Variants in GRM1 observed in about 807,000 individuals in gnomAD.
GRM1 encodes the protein glutamate metabotropic receptor 1.
Under a neutral mutation model 90.9 loss-of-function variants are expected in GRM1, and 33 were observed. The observed-to-expected ratio is 0.36, with a 90% confidence interval of 0.28 to 0.49. GRM1 has a LOEUF of 0.49. GRM1 is among the 20% of genes least tolerant of loss of function. The pLI is 0.99. For synonymous variants in GRM1, 700 were observed against 613.2 expected (o/e 1.14, Z -2.09); for missense variants, 1,190 against 1,534.3 (o/e 0.78, Z 3.75).
chr6:146,323,001 G>A (rs776912084), intron 3 of GRM1, among the ~76,000 whole-genome samples: 39 of 152,060 alleles, frequency 2.6e-4, no homozygotes, highest in Middle Eastern at 3.4e-3. Context: ...CCAGTCTCTC[G>A]TTGTTGGACA....
At chr6:146,268,909 C>T (rs1275794148) in intron 2 of GRM1, among the ~76,000 whole-genome samples, 1 of 152,098 alleles carries the variant, frequency 6.6e-6, no homozygotes, top group Non-Finnish European at 1.5e-5. Flanking sequence ...CAGACATAGA[C>T]CAATGGAACA....
At chr6:146,431,300 A>G (rs1200543481) in intron 7 of GRM1, among the ~76,000 whole-genome samples, 1 of 152,186 alleles carries the variant, frequency 6.6e-6, no homozygotes, top group African/African-American at 2.4e-5. Flanking sequence ...TAAAAATTGG[A>G]TTTAATTAAA....
At chr6:146,045,059 T>C (rs1328241501) in intron 1 of GRM1, among the ~76,000 whole-genome samples, 1 of 151,962 alleles carries the variant, frequency 6.6e-6, no homozygotes, top group Non-Finnish European at 1.5e-5. Flanking sequence ...GGAAGCCCCT[T>C]CTCATAATTT....
At chr6:146,324,481 CT>C (rs201311727) in intron 3 of GRM1, among the ~76,000 whole-genome samples, 1,727 of 152,244 alleles carry the variant, frequency 0.011, 72 homozygotes, top group East Asian at 0.079. Context: ...ATTTAAAAAA[CT>C]CCTGCAGCTA....
At position 146,387,091 on chromosome 6, in the gene GRM1, T is replaced by G. The variant is rs924469549; in HGVS notation, c.1729+75T>G. On this transcript the variant is annotated intron_variant, in intron 6 of 7. Transcript: ENST00000282753. ...AATGTGTCCATCCCTCAAATGAGAATGATTAGCTCATGTCTTCTCAATGTT... is the reference window on the plus strand; with the variant it reads ...AATGTGTCCATCCCTCAAATGAGAAGGATTAGCTCATGTCTTCTCAATGTT... 6 of 1,342,968 alleles carry G rather than the reference T, an allele frequency of 4.5e-6. No individual in the cohort carries two copies. In the African/African-American group the frequency reaches 8.6e-5, roughly 19 times the overall value. The allele number at this position is 1,342,968 out of a possible 1,614,324, so 83.2% of individuals were successfully genotyped here.
chr6:146,160,216 G>C (rs2128891317), intron 2 of GRM1, among the ~76,000 whole-genome samples: 1 of 152,318 alleles, frequency 6.6e-6, no homozygotes, highest in East Asian at 1.9e-4. Flanking sequence ...GTGAAGATAT[G>C]CAACGGAACT....
At chr6:146,308,891 C>T (rs1783679751) in intron 3 of GRM1, among the ~76,000 whole-genome samples, 1 of 151,842 alleles carries the variant, frequency 6.6e-6, no homozygotes. Flanking sequence ...TTCTTTTATT[C>T]TTAATGGCTG....
chr6:146,417,238 A>T (rs1392402981), intron 7 of GRM1, among the ~76,000 whole-genome samples: 1 of 152,188 alleles, frequency 6.6e-6, no homozygotes, highest in Non-Finnish European at 1.5e-5. Flanking sequence ...GATCCGTTGC[A>T]TTCTGGTGCT....
chr6:146,338,943 A>G (rs1784872916), intron 3 of GRM1, among the ~76,000 whole-genome samples: 1 of 152,106 alleles, frequency 6.6e-6, no homozygotes, highest in East Asian at 1.9e-4. Flanking sequence ...AGCCTCCTCC[A>G]TAAATCTTCC....
chr6:146,165,292 A>T (rs2128892884), intron 2 of GRM1, among the ~76,000 whole-genome samples: 1 of 152,256 alleles, frequency 6.6e-6, no homozygotes, highest in South Asian at 2.1e-4. Context: ...CACATTTGGG[A>T]AAGTGACCTC....
chr6:146,373,878 A>G (rs1775995117), intron 5 of GRM1, among the ~76,000 whole-genome samples: 1 of 152,096 alleles, frequency 6.6e-6, no homozygotes, highest in Non-Finnish European at 1.5e-5. Flanking sequence ...AGACTGCTGT[A>G]GTGAATACTT....
chr6:146,290,225 A>C (rs1325323203), intron 2 of GRM1, among the ~76,000 whole-genome samples: 1 of 152,160 alleles, frequency 6.6e-6, no homozygotes, highest in Non-Finnish European at 1.5e-5. Context: ...GGGTCTCCTT[A>C]GCCATCTCCA....
chr6:146,115,221 TACACACAC>T (rs67497002), intron 1 of GRM1, among the ~76,000 whole-genome samples: 2 of 148,574 alleles, frequency 1.3e-5, no homozygotes, highest in Admixed American at 6.8e-5. Context: ...ATTAAATGCA[TACACACAC>T]ACACACACAC....
Position 146,281,316 on chromosome 6 carries a change from G to C in GRM1, c.951-23295G>C, listed in dbSNP as rs151134861. Among the ~76,000 whole-genome samples the C allele has an allele frequency of 8.8e-3, 1,347 of 152,250 alleles. 13 individuals are homozygous for C. Among genetic ancestry groups the C allele is most frequent in the Non-Finnish European group, 0.011 (750 of 68,012 alleles). On this transcript the variant is annotated intron_variant, in intron 2 of 7. Coordinates refer to ENST00000282753, the MANE Select transcript of GRM1 (RefSeq NM_001278064.2). ...CAGCTCTGCTCCTGACTAGTTGTAA[G>C]ATTTTGGTACATTACTTAGCACATT...
At chr6:146,076,458 A>G (rs939761471) in intron 1 of GRM1, among the ~76,000 whole-genome samples, 5 of 152,164 alleles carry the variant, frequency 3.3e-5, no homozygotes, top group Non-Finnish European at 7.4e-5. Context: ...GTGGCAGTAG[A>G]AGTGGTAAAA....
intron 2 of GRM1, among the ~76,000 whole-genome samples, chr6:146,169,415 T>A (rs1377476036): frequency 1.3e-5 from 2 of 152,172 alleles, no homozygotes; most frequent in Non-Finnish European, 2.9e-5. Context: ...GTATGTGCTG[T>A]TCTCAGTGTT....
intron 2 of GRM1, among the ~76,000 whole-genome samples, chr6:146,244,007 C>T (rs958177264): frequency 3.3e-5 from 5 of 152,172 alleles, no homozygotes; most frequent in African/African-American, 9.7e-5. Flanking sequence ...TCTGTTCTGC[C>T]TGGCTCTCAG....
chr6:146,092,401 A>G (rs1443460275), intron 1 of GRM1, among the ~76,000 whole-genome samples: 1 of 152,140 alleles, frequency 6.6e-6, no homozygotes, highest in Non-Finnish European at 1.5e-5. Context: ...TTTTGCAGGT[A>G]TCTATTACCT....
At chr6:146,283,850 A>C (rs1164329963) in intron 2 of GRM1, among the ~76,000 whole-genome samples, 1 of 152,214 alleles carries the variant, frequency 6.6e-6, no homozygotes, top group Non-Finnish European at 1.5e-5. Context: ...ACAATGCAGA[A>C]GTAAAGTATC....
Sources: gnomAD v4.1 joint callset for allele counts (sites outside exome capture counted in the v4.1 genomes callset) on GRCh38, gnomAD v4.1.1 for gene constraint, MANE v1.5 for transcripts, NCBI Gene and HGNC (gene_info 2026-07-23, HGNC 2026-07-21) for gene names.